Variants in NRXN3 observed in about 807,000 individuals in gnomAD.
NRXN3 encodes neurexin 3, also known as neurexin III.
NRXN3 carries 32 observed loss-of-function variants against 137.6 expected under a neutral mutation model. The observed-to-expected ratio is 0.23, with a 90% CI of 0.18 to 0.31. The LOEUF is 0.31. NRXN3 is among the 10% of genes least tolerant of loss of function. The pLI, the probability that NRXN3 is intolerant of heterozygous loss-of-function variation, is 1.00. For synonymous variants in NRXN3, 798 were observed against 784.5 expected (o/e 1.02, Z -0.29); for missense variants, 1,574 against 2,062.5 (o/e 0.76, Z 4.59).
chr14:79,260,197 T>C (rs893263990), intron 15 of NRXN3, among the ~76,000 whole-genome samples: 1 of 152,194 alleles, frequency 6.6e-6, no homozygotes, highest in East Asian at 1.9e-4. Context: ...CAAATACATA[T>C]ATCTTATGTA....
chr14:79,424,790 C>A (rs1465431372), intron 15 of NRXN3, among the ~76,000 whole-genome samples: 1 of 152,126 alleles, frequency 6.6e-6, no homozygotes, highest in Non-Finnish European at 1.5e-5. Context: ...CTCCCTCCCC[C>A]CAATATTTCT....
chr14:78,898,620 C>A (rs911524392), intron 10 of NRXN3, among the ~76,000 whole-genome samples: 1 of 147,476 alleles, frequency 6.8e-6, no homozygotes, highest in South Asian at 2.1e-4. Context: ...ATCAAGCTGT[C>A]GGTTATATTC....
intron 15 of NRXN3, among the ~76,000 whole-genome samples, chr14:79,428,861 A>C (rs139516437): frequency 2.0e-5 from 3 of 152,230 alleles, no homozygotes; most frequent in Admixed American, 2.0e-4. Flanking sequence ...GGAATTAGCA[A>C]GGATGGGGGA....
At chr14:79,171,304 T>G (rs1440869196) in intron 15 of NRXN3, among the ~76,000 whole-genome samples, 1 of 152,114 alleles carries the variant, frequency 6.6e-6, no homozygotes, top group Admixed American at 6.6e-5. Flanking sequence ...TACCCAAAAC[T>G]CTCTGTCTTA....
In NRXN3 at chr14:78,757,375, T is replaced by C. The variant is rs1770274199; in HGVS notation, c.2044+42236T>C. Among the ~76,000 whole-genome samples, 3 of 146,548 alleles carry C rather than the reference T, an allele frequency of 2.0e-5. No individual in the cohort carries two copies. The South Asian group carries it at 6.5e-4, about 32-fold the overall frequency. ...CAGTGAGTTGAGATCGCCACTGCAC[T>C]CCAGCCTGGGCGACAGAGAGAGATT... On this transcript the variant is annotated intron_variant, in intron 8 of 20. Coordinates refer to ENST00000335750, the MANE Select transcript of NRXN3 (RefSeq NM_001330195.2).
At chr14:78,594,149 C>T (rs17835283) in intron 4 of NRXN3, among the ~76,000 whole-genome samples, 19,997 of 152,206 alleles carry the variant, frequency 0.13, 1,715 homozygotes, top group Admixed American at 0.2. Flanking sequence ...CCTTGGGAGG[C>T]GCCGATTGGC....
At chr14:78,882,701 G>A (rs2099132610) in intron 10 of NRXN3, among the ~76,000 whole-genome samples, 1 of 151,624 alleles carries the variant, frequency 6.6e-6, no homozygotes, top group Admixed American at 6.6e-5. Flanking sequence ...GACTTGCCTT[G>A]TCTCGGATGA....
At chr14:78,970,701 G>A (rs1462906136) in intron 14 of NRXN3, among the ~76,000 whole-genome samples, 2 of 152,128 alleles carry the variant, frequency 1.3e-5, no homozygotes, top group Non-Finnish European at 2.9e-5. Context: ...ATTACATAAC[G>A]AGTTGGGGAA....
chr14:78,866,870 T>C lies in NRXN3; in HGVS notation c.2275+56526T>C, dbSNP rs531526399. Among the ~76,000 whole-genome samples, 3 of 147,664 alleles carry C rather than the reference T, an allele frequency of 2.0e-5. No homozygotes were observed. The South Asian group carries it at 6.5e-4, about 32-fold the overall frequency. On this transcript the variant is annotated intron_variant, in intron 10 of 20. Coordinates refer to ENST00000335750, the MANE Select transcript of NRXN3 (RefSeq NM_001330195.2). ...TGGAGTACAGTGGCACGGTCTCGGC[T>C]CGTTGTAACCTCCGCCTCCCAGGTT... is the stretch of plus-strand genomic sequence containing the variant.
intron 3 of NRXN3, among the ~76,000 whole-genome samples, chr14:78,288,494 T>C (rs2075431502): frequency 6.6e-6 from 1 of 152,212 alleles, no homozygotes; most frequent in Non-Finnish European, 1.5e-5. Flanking sequence ...GGATCATTCT[T>C]TGACTTTGTT....
At chr14:78,416,511 T>C (rs1285479539) in intron 4 of NRXN3, among the ~76,000 whole-genome samples, 3 of 152,190 alleles carry the variant, frequency 2.0e-5, no homozygotes, top group African/African-American at 7.2e-5. Flanking sequence ...GATGGGATAA[T>C]TTAACCCTCA....
At chr14:78,543,369 C>T (rs2096609704) in intron 4 of NRXN3, among the ~76,000 whole-genome samples, 1 of 151,976 alleles carries the variant, frequency 6.6e-6, no homozygotes, top group Non-Finnish European at 1.5e-5. Flanking sequence ...TAACAGGTGT[C>T]CTCAACATAT....
intron 8 of NRXN3, among the ~76,000 whole-genome samples, chr14:78,773,610 C>T (rs1012538726): frequency 6.6e-6 from 1 of 152,006 alleles, no homozygotes; most frequent in Non-Finnish European, 1.5e-5. Context: ...TTGAGAACTG[C>T]AAATTAAGTT....
intron 10 of NRXN3, among the ~76,000 whole-genome samples, chr14:78,814,021 A>G (rs984795907): frequency 2.0e-5 from 3 of 152,134 alleles, no homozygotes; most frequent in Non-Finnish European, 4.4e-5. Flanking sequence ...TATCTATGAT[A>G]TATTCATTAT....
chr14:78,333,949 G>T (rs1379292211), intron 4 of NRXN3, among the ~76,000 whole-genome samples: 1 of 152,154 alleles, frequency 6.6e-6, no homozygotes, highest in Non-Finnish European at 1.5e-5. Flanking sequence ...TGGACGGCGT[G>T]AGAGTGGTTC....
At chr14:78,598,819 ATG>A (rs1275024603) in intron 4 of NRXN3, among the ~76,000 whole-genome samples, 1 of 152,148 alleles carries the variant, frequency 6.6e-6, no homozygotes, top group Non-Finnish European at 1.5e-5. Context: ...TCTTTGCAGA[ATG>A]TGTTATTGTG....
chr14:79,756,329 AT>A (rs1471211969), intron 19 of NRXN3, among the ~76,000 whole-genome samples: 1 of 152,274 alleles, frequency 6.6e-6, no homozygotes, highest in East Asian at 1.9e-4. Flanking sequence ...TAAATCAGAA[AT>A]GGGTCATCTT....
At chr14:78,376,040 A>C (rs1393742045) in intron 4 of NRXN3, among the ~76,000 whole-genome samples, 2 of 148,820 alleles carry the variant, frequency 1.3e-5, no homozygotes, top group Non-Finnish European at 3.0e-5. Flanking sequence ...ACACACACTC[A>C]TTCTCCTAAA....
chr14:79,308,619 C>T (rs946613873), intron 15 of NRXN3, among the ~76,000 whole-genome samples: 38 of 152,000 alleles, frequency 2.5e-4, no homozygotes, highest in African/African-American at 8.9e-4. Context: ...TTTCTTAACC[C>T]TTTTCCTGGC....
Sources: allele counts gnomAD v4.1 joint callset (sites outside exome capture counted in the v4.1 genomes callset), GRCh38; gene constraint gnomAD v4.1.1; transcripts MANE v1.5; gene names NCBI Gene and HGNC (gene_info 2026-07-23, HGNC 2026-07-21).